The following TRAF3 variants were observed in gnomAD, a reference collection of about 807,000 sequenced individuals.
TRAF3 encodes TNF receptor associated factor 3.
A neutral mutation model predicts 62.3 loss-of-function variants in TRAF3; 13 were observed. That is an observed-to-expected ratio of 0.21 (90% CI 0.14 to 0.33). The LOEUF (loss-of-function observed/expected upper bound fraction) is 0.33. TRAF3 is among the 10% of genes least tolerant of loss of function. TRAF3 has a pLI of 1.00. For missense variants in TRAF3, 440 were observed against 741.8 expected (o/e 0.59, Z 4.73); for synonymous variants, 269 against 283.4 (o/e 0.95, Z 0.51).
chr14:102,867,804 TTTAACA>T (rs1888092102), intron 2 of TRAF3, among the ~76,000 whole-genome samples: 1 of 152,236 alleles, frequency 6.6e-6, no homozygotes, highest in African/African-American at 2.4e-5. Context: ...ATACATATAC[TTTAACA>T]TTAATGTTTT....
At position 102,866,277 on chromosome 14, in the gene TRAF3, G is replaced by A. The variant is rs146912472; in HGVS notation, c.-17-3908G>A. ...GGAACATCACACACTGGGGCCTGTC[G>A]GAGGGTGGGGATAGCATTAGGAGAA... On this transcript the variant is annotated intron_variant, in intron 2 of 11. Coordinates refer to ENST00000392745, the MANE Select transcript of TRAF3 (RefSeq NM_145725.3). Among the ~76,000 whole-genome samples the A allele has an allele frequency of 3.9e-3, 596 of 152,278 alleles. 7 individuals are homozygous for A. The highest frequency in any genetic ancestry group is 0.013 in the African/African-American group (555 of 41,550).
chr14:102,905,225 C>A lies in TRAF3; in HGVS notation c.1148C>A (p.Ser383Tyr). 6.2e-7 allele frequency: 1 copy of A among 1,613,726 alleles called. No homozygotes were observed. Among genetic ancestry groups the A allele is most frequent in the Non-Finnish European group, 8.5e-7 (1 of 1,180,048 alleles). Residue 383 changes from serine to tyrosine, a missense_variant, in exon 12 of 12, where the codon TCC becomes TAC. Transcript: ENST00000392745. ...QVARNTGLLESQLSRHDQMLS... is the reference protein window; with the variant it reads ...QVARNTGLLEYQLSRHDQMLS... ...TCACCTGTGGCAGGCCTGCTGGAGT[C>A]CCAGCTGAGCCGGCATGACCAGATG...
At chr14:102,811,374 T>C (rs1899125485) in intron 1 of TRAF3, among the ~76,000 whole-genome samples, 1 of 150,980 alleles carries the variant, frequency 6.6e-6, no homozygotes, top group Admixed American at 6.6e-5. Context: ...TCACAGGTGC[T>C]GTCGTACTGC....
chr14:102,812,655 C>T (rs889066562), intron 1 of TRAF3, among the ~76,000 whole-genome samples: 1 of 152,108 alleles, frequency 6.6e-6, no homozygotes, highest in Non-Finnish European at 1.5e-5. Flanking sequence ...CGTGGTGGCT[C>T]ACGCCTGTAA....
In TRAF3 at chr14:102,826,846, G is replaced by T. The variant is rs1457040138; in HGVS notation, c.-156-3488G>T. On this transcript the variant is annotated intron_variant, in intron 1 of 11. Coordinates refer to ENST00000392745, the MANE Select transcript of TRAF3 (RefSeq NM_145725.3). The surrounding 1 kb of genome is among the most constrained non-coding windows in gnomAD (Gnocchi z 4.6). ...GGACAGCTGTTACTTATGGGTGGCG[G>T]CGTGGTGAGGTCGCACAACACAGAG... Among the ~76,000 whole-genome samples, 5 of 152,188 alleles carry T rather than the reference G, an allele frequency of 3.3e-5. No homozygotes were observed. The highest frequency in any genetic ancestry group is 5.9e-5 in the Non-Finnish European group (4 of 68,032).
chr14:102,905,099 G>A (rs925648921), intron 11 of TRAF3, 114 bp from the exon 12 acceptor site: 11 of 1,127,260 alleles, frequency 9.8e-6, no homozygotes, highest in African/African-American at 3.1e-5. Flanking sequence ...GCAACAGAGC[G>A]AGACTCCGTC....
At chr14:102,878,639 G>T (rs1888861266) in intron 6 of TRAF3, among the ~76,000 whole-genome samples, 1 of 152,166 alleles carries the variant, frequency 6.6e-6, no homozygotes, top group Non-Finnish European at 1.5e-5. Flanking sequence ...TCAGTTCCAT[G>T]AATAAAAATC....
intron 2 of TRAF3, among the ~76,000 whole-genome samples, chr14:102,848,748 A>G (rs1254492250): frequency 6.6e-6 from 1 of 152,154 alleles, no homozygotes; most frequent in Non-Finnish European, 1.5e-5. Flanking sequence ...TATTTGTTGG[A>G]AAATCCAGGC....
intron 2 of TRAF3, among the ~76,000 whole-genome samples, chr14:102,834,962 A>G (rs1595345117): frequency 6.6e-6 from 1 of 152,138 alleles, no homozygotes; most frequent in Non-Finnish European, 1.5e-5. Context: ...GTAAACATAC[A>G]TCTTACAGCA....
At chr14:102,861,669 G>A (rs1318730473) in intron 2 of TRAF3, among the ~76,000 whole-genome samples, 1 of 152,100 alleles carries the variant, frequency 6.6e-6, no homozygotes, top group African/African-American at 2.4e-5. Flanking sequence ...CCCAAGAGAG[G>A]GTTATTGAAT....
At chr14:102,820,793 C>G (rs1053144713) in intron 1 of TRAF3, among the ~76,000 whole-genome samples, 9 of 150,148 alleles carry the variant, frequency 6.0e-5, no homozygotes, top group Non-Finnish European at 1.3e-4. Context: ...CCACACTTGG[C>G]TAAGTTTTAA....
chr14:102,889,094 G>A (rs1204611172), intron 7 of TRAF3, among the ~76,000 whole-genome samples: 3 of 152,328 alleles, frequency 2.0e-5, no homozygotes, highest in African/African-American at 7.2e-5. Flanking sequence ...CAAGTATTAT[G>A]AGTAATGGTA....
At chr14:102,830,926 C>T (rs1900643191) in intron 2 of TRAF3, among the ~76,000 whole-genome samples, 1 of 152,198 alleles carries the variant, frequency 6.6e-6, no homozygotes, top group Non-Finnish European at 1.5e-5. Flanking sequence ...CAAGTTGCAA[C>T]TTATTACAAG....
At position 102,908,652 on chromosome 14, in the gene TRAF3, G is replaced by C. The variant is rs530775705; in HGVS notation, c.*2868G>C. The C allele has an allele frequency of 6.6e-5, 10 of 152,604 alleles. No individual in the cohort carries two copies. The highest frequency in any genetic ancestry group is 2.4e-4 in the African/African-American group (10 of 41,472). The allele number at this position is 152,604 out of a possible 1,614,324, so 9.5% of individuals were successfully genotyped here. Reference sequence around the variant, plus strand: ...GGGGGCGCACACTGTGTGCTTGGGGGTGCTGCTTGTTTACCACACATGACC... The same window carrying C: ...GGGGGCGCACACTGTGTGCTTGGGGCTGCTGCTTGTTTACCACACATGACC... On this transcript the variant is annotated 3_prime_UTR_variant, in exon 12 of 12. Transcript: ENST00000392745.
At chr14:102,881,733 G>C (rs1445538262) in intron 6 of TRAF3, among the ~76,000 whole-genome samples, 2 of 152,126 alleles carry the variant, frequency 1.3e-5, no homozygotes, top group African/African-American at 4.8e-5. Flanking sequence ...ATGTACCCTG[G>C]AACTTAAAAT....
intron 1 of TRAF3, among the ~76,000 whole-genome samples, chr14:102,780,178 A>G (rs534920786): frequency 7.2e-5 from 11 of 152,354 alleles, no homozygotes; most frequent in African/African-American, 2.4e-4. Flanking sequence ...ACTTGCTTTC[A>G]GCAGGAGTGA....
chr14:102,886,272 A>C lies in TRAF3; in HGVS notation c.651+3A>C. 2 of 1,579,704 alleles carry C rather than the reference A, an allele frequency of 1.3e-6. No individual in the cohort carries two copies. The highest frequency in any genetic ancestry group is 8.6e-7 in the Non-Finnish European group (1 of 1,160,670). ...TCCAGACTCTCCTGAGGAGCGAGGT[A>C]GGGGCGGCCGGGCCCGGCCGGGAGT... On this transcript the variant is annotated splice_donor_region_variant and intron_variant, in intron 7 of 11. Coordinates refer to ENST00000392745, the MANE Select transcript of TRAF3 (RefSeq NM_145725.3).
At chr14:102,899,779 C>A (rs1566807646) in intron 10 of TRAF3, among the ~76,000 whole-genome samples, 1 of 151,938 alleles carries the variant, frequency 6.6e-6, no homozygotes, top group African/African-American at 2.4e-5. Context: ...GGGGTGCAGG[C>A]AGGGGGTCAA....
At chr14:102,891,589 G>A (rs1418990853) in intron 9 of TRAF3, among the ~76,000 whole-genome samples, 172 bp downstream of exon 9, 2 of 152,144 alleles carry the variant, frequency 1.3e-5, no homozygotes, top group Non-Finnish European at 2.9e-5. Flanking sequence ...TTTTATTTTT[G>A]TTATTTGTTT....
Sources: allele counts gnomAD v4.1 joint callset (sites outside exome capture counted in the v4.1 genomes callset), GRCh38; gene constraint gnomAD v4.1.1; non-coding constraint Gnocchi (gnomAD v3.1); transcripts MANE v1.5; gene names NCBI Gene and HGNC (gene_info 2026-07-23, HGNC 2026-07-21).